The following USP24 variants were observed in gnomAD, a reference collection of about 807,000 sequenced individuals.
USP24 encodes the protein ubiquitin carboxyl-terminal hydrolase 24.
USP24 carries 97 observed loss-of-function variants against 361.6 expected under a neutral mutation model. The observed-to-expected ratio is 0.27, with a 90% CI of 0.23 to 0.32. USP24 has a LOEUF of 0.32. USP24 is among the 10% of genes least tolerant of loss of function. The pLI is 1.00. For synonymous variants in USP24, 1,098 were observed against 1,124.6 expected (o/e 0.98, Z 0.47); for missense variants, 2,353 against 3,165.6 (o/e 0.74, Z 6.16).
At position 55,214,773 on chromosome 1, in the gene USP24, G is replaced by A. The variant is rs1644943402; in HGVS notation, c.324+17C>T. 2.5e-6 allele frequency: 3 copies of A among 1,221,624 alleles called. No individual in the cohort carries two copies. The highest frequency in any genetic ancestry group is 3.1e-6 in the Non-Finnish European group (3 of 971,376). 75.7% of individuals were successfully genotyped at this position (1,221,624 alleles called of 1,614,324 possible). On this transcript the variant is annotated intron_variant, in intron 1 of 67. Transcript: ENST00000294383. ...CCCAGTGGCTTCCCACAGAGGTCTG[G>A]GGTTGCCCCTCCTCACCTCCGCGTC...
intron 26 of USP24, 21 bp downstream of exon 26, chr1:55,138,587 T>G: frequency 6.6e-7 from 1 of 1,524,958 alleles, no homozygotes; most frequent in East Asian, 2.3e-5. Context: ...AAAATGGCTG[T>G]AGTTCTTAAT....
chr1:55,097,547 T>C (rs1165938662), intron 48 of USP24, 51 bp downstream of exon 48: 7 of 1,511,784 alleles, frequency 4.6e-6, no homozygotes, highest in Non-Finnish European at 6.2e-6. Context: ...AAAAAAGAAG[T>C]GAGTGAGGAA....
intron 4 of USP24, 80 bp from the exon 5 acceptor site, chr1:55,171,758 T>C (rs1020580430): frequency 2.7e-6 from 4 of 1,466,436 alleles, no homozygotes; most frequent in African/African-American, 1.4e-5. Flanking sequence ...AAGATAAAAA[T>C]ATAGCCTTTG....
At chr1:55,073,743 A>G in intron 64 of USP24, 85 bp downstream of exon 64, 1 of 1,319,790 alleles carries the variant, frequency 7.6e-7, no homozygotes, top group Admixed American at 2.0e-5. Context: ...CCAGGTATCA[A>G]AACCGGGCAC....
chr1:55,162,101 C>G, intron 8 of USP24, 98 bp downstream of exon 8: 1 of 1,096,398 alleles, frequency 9.1e-7, no homozygotes, highest in Middle Eastern at 2.0e-4. Context: ...AGGAGTTACT[C>G]TGGATTAAAG....
At chr1:55,182,862 A>T (rs905905683) in intron 1 of USP24, among the ~76,000 whole-genome samples, 1 of 152,040 alleles carries the variant, frequency 6.6e-6, no homozygotes, top group Non-Finnish European at 1.5e-5. Flanking sequence ...CTACAAGCGC[A>T]TACCACCATG....
At chr1:55,142,516 G>A (rs1216544502) in intron 23 of USP24, among the ~76,000 whole-genome samples, 1 of 152,168 alleles carries the variant, frequency 6.6e-6, no homozygotes, top group African/African-American at 2.4e-5. Flanking sequence ...GAGGAAGGTG[G>A]ATGGAGTGGG....
Position 55,066,474 on chromosome 1 carries a change from A to G in USP24, c.*2571T>C, listed in dbSNP as rs1644827059. On this transcript the variant is annotated 3_prime_UTR_variant, in exon 68 of 68. Coordinates refer to ENST00000294383, the MANE Select transcript of USP24 (RefSeq NM_015306.3). Reference sequence around the variant, plus strand: ...TATCTACTTCCTTTTGAAATTTTATAAACAAGATTTTATACACAAGAGGTA... The same window carrying G: ...TATCTACTTCCTTTTGAAATTTTATGAACAAGATTTTATACACAAGAGGTA... 1 of 152,216 alleles carries G rather than the reference A, an allele frequency of 6.6e-6. No homozygotes were observed. The highest frequency in any genetic ancestry group is 2.4e-5 in the African/African-American group (1 of 41,452). The allele number at this position is 152,216 out of a possible 1,614,324, so 9.4% of individuals were successfully genotyped here.
intron 60 of USP24, among the ~76,000 whole-genome samples, chr1:55,079,281 T>C (rs1645094098): frequency 6.6e-6 from 1 of 152,166 alleles, no homozygotes; most frequent in Non-Finnish European, 1.5e-5. Context: ...ATGATTTTGA[T>C]GGATGAAGTG....
Position 55,093,924 on chromosome 1 carries a change from A to G in USP24, c.6354+13T>C, listed in dbSNP as rs139323995. On this transcript the variant is annotated intron_variant, in intron 52 of 67. Coordinates refer to ENST00000294383, the MANE Select transcript of USP24 (RefSeq NM_015306.3). Reference sequence around the variant, plus strand: ...TGGATATTCCCCCTTAGAATTTTTTATATGGTTCTTACCTGGTATATTCGA... The same window carrying G: ...TGGATATTCCCCCTTAGAATTTTTTGTATGGTTCTTACCTGGTATATTCGA... 264 of 1,612,454 alleles carry G rather than the reference A, an allele frequency of 1.6e-4. No individual in the cohort carries two copies. In the African/African-American group the frequency reaches 3.2e-3, roughly 20 times the overall value.
intron 7 of USP24, among the ~76,000 whole-genome samples, chr1:55,164,689 A>G (rs1200534033): frequency 6.6e-5 from 10 of 152,054 alleles, no homozygotes; most frequent in Non-Finnish European, 1.0e-4. Context: ...AAATCTTGCA[A>G]GACTCTTTAA....
At position 55,086,045 on chromosome 1, in the gene USP24, G is replaced by A. The variant is rs11583974; in HGVS notation, c.6669-7C>T. The A allele has an allele frequency of 0.037, 59,915 of 1,613,476 alleles. 1,333 individuals carry two copies. Among genetic ancestry groups the A allele is most frequent in the Non-Finnish European group, 0.043 (50,241 of 1,179,530 alleles). On this transcript the variant is annotated splice_region_variant and splice_polypyrimidine_tract_variant and intron_variant, in intron 55 of 67. Transcript: ENST00000294383. The stretch of plus-strand genomic sequence containing the variant: ...GCACTCCAGTAAGAAAATCCTGAAA[G>A]AAAGAGAAAGGTGGTGTGAAAAAGC...
In USP24 at chr1:55,068,072, C is replaced by T. The variant is rs963364096; in HGVS notation, c.*973G>A. The T allele has an allele frequency of 1.2e-4, 19 of 152,196 alleles. No individual in the cohort carries two copies. Among genetic ancestry groups the T allele is most frequent in the African/African-American group, 4.6e-4 (19 of 41,444 alleles). The allele number at this position is 152,196 out of a possible 1,614,324, so 9.4% of individuals were successfully genotyped here. ...AGTGTGTACCAACTCAAATAGTTAACTTCATATACAACCAATACCAAGGGT... is the reference window on the plus strand; with the variant it reads ...AGTGTGTACCAACTCAAATAGTTAATTTCATATACAACCAATACCAAGGGT... On this transcript the variant is annotated 3_prime_UTR_variant, in exon 68 of 68. Coordinates refer to ENST00000294383, the MANE Select transcript of USP24 (RefSeq NM_015306.3).
rs925854725 is a variant in USP24, at chr1:55,193,266, G to C, written c.325-15134C>G. On this transcript the variant is annotated intron_variant, in intron 1 of 67. Coordinates refer to ENST00000294383, the MANE Select transcript of USP24 (RefSeq NM_015306.3). ...GCAAATACTAAGCCATTTTATATAA[G>C]GGATTTGAGCATTTCGGTATCTGTG... Among the ~76,000 whole-genome samples the C allele has an allele frequency of 2.6e-5, 4 of 152,204 alleles. No homozygotes were observed. The South Asian group carries it at 8.3e-4, about 32-fold the overall frequency.
chr1:55,179,126 C>T (rs1450863288), intron 1 of USP24, among the ~76,000 whole-genome samples: 1 of 152,194 alleles, frequency 6.6e-6, no homozygotes, highest in African/African-American at 2.4e-5. Flanking sequence ...AACTTTATTT[C>T]ACTAAATCCA....
Position 55,123,484 on chromosome 1 carries a change from A to G in USP24, c.4239T>C (p.Leu1413=). Residue 1413 remains leucine, a synonymous_variant, in exon 36 of 68, where the codon CTT becomes CTC. Coordinates refer to ENST00000294383, the MANE Select transcript of USP24 (RefSeq NM_015306.3). ...DSLIAGEALS[L]LVTCLQLRSQ... ...TCCGAAGCTGTAGGCACGTAACAAG[A>G]AGAGACAAAGCCTCTCCCGCAATCA... 6.2e-7 allele frequency: 1 copy of G among 1,600,816 alleles called. No homozygotes were observed. The highest frequency in any genetic ancestry group is 8.5e-7 in the Non-Finnish European group (1 of 1,173,782).
At position 55,147,713 on chromosome 1, in the gene USP24, G is replaced by C. The variant is rs1338717947; in HGVS notation, c.2054C>G (p.Ala685Gly). 1 of 1,612,310 alleles carries C rather than the reference G, an allele frequency of 6.2e-7. No homozygotes were observed. Reference sequence around the variant, plus strand: ...ACTTAAGCCTCCAGGCCCGGCCACAGCAGCTGCAAGCCGATGACAAGCGAT... The same window carrying C: ...ACTTAAGCCTCCAGGCCCGGCCACACCAGCTGCAAGCCGATGACAAGCGAT... ...SLIACHRLAA[A>G]VAGPGGLSGS... Residue 685 changes from alanine to glycine, a missense_variant, in exon 18 of 68, where the codon GCT becomes GGT. By Grantham distance (60) the Ala-to-Gly change is moderately conservative. Around this residue, in one of 8 missense-constraint regions of USP24, gnomAD observed 949 missense variants for 1,280.5 expected, o/e 0.74. Coordinates refer to ENST00000294383, the MANE Select transcript of USP24 (RefSeq NM_015306.3).
intron 44 of USP24, among the ~76,000 whole-genome samples, chr1:55,100,501 AAAAAAAAAAAGTGTTCTTTATTT>A (rs1409290879): frequency 6.6e-6 from 1 of 152,184 alleles, no homozygotes; most frequent in East Asian, 1.9e-4. Flanking sequence ...CGTCTCAAAA[AAAAAAAAAAAGTGTTCTTTATTT>A]AAAGACATTA....
At chr1:55,197,719 G>A (rs1428160849) in intron 1 of USP24, among the ~76,000 whole-genome samples, 1 of 152,058 alleles carries the variant, frequency 6.6e-6, no homozygotes, top group African/African-American at 2.4e-5. Flanking sequence ...TAAATCACTT[G>A]TACAACATCC....
Sources: allele counts gnomAD v4.1 joint callset (sites outside exome capture counted in the v4.1 genomes callset), GRCh38; gene constraint gnomAD v4.1.1; regional missense constraint gnomAD v4.1.1; transcripts MANE v1.5; gene names NCBI Gene and HGNC (gene_info 2026-07-23, HGNC 2026-07-21).